PCDHGB3: variants seen among roughly 807,000 people sequenced by gnomAD.
PCDHGB3 encodes protocadherin gamma-B3.
A neutral mutation model predicts 59.2 loss-of-function variants in PCDHGB3; 40 were observed. The observed-to-expected ratio is 0.68, with a 90% CI of 0.52 to 0.88. PCDHGB3 has a LOEUF of 0.88. Among genes scored for constraint, PCDHGB3 ranks in the 40% least tolerant of loss-of-function variants. PCDHGB3 has a pLI of 0.00. For synonymous variants in PCDHGB3, 581 were observed against 503.6 expected, an observed-to-expected ratio of 1.15 and a Z score of -2.06; for missense variants, 1,309 against 1,187.9, an observed-to-expected ratio of 1.10 and a Z score of -1.50.
intron 3 of PCDHGB3, among the ~76,000 whole-genome samples, chr5:141,510,329 A>T (rs1433056614): frequency 2.7e-5 from 4 of 150,230 alleles, no homozygotes; most frequent in Admixed American, 2.7e-4. Flanking sequence ...AGCACTCTTC[A>T]CCCCCACCCC....
At chr5:141,404,811 G>A (rs2094571358) in intron 1 of PCDHGB3, 1 of 1,606,238 alleles carries the variant, frequency 6.2e-7, no homozygotes, top group African/African-American at 1.4e-5. Flanking sequence ...TTCTCGGTGG[G>A]GCTGCACACA....
Position 141,371,058 on chromosome 5 carries a change from A to C in PCDHGB3, c.664A>C (p.Arg222=). Reference sequence around the variant, plus strand: ...AGCTGTGGATGGGGGCGAGCCCTCCAGAAGCTGTACCACCCAGATCAGGGT... The same window carrying C: ...AGCTGTGGATGGGGGCGAGCCCTCCCGAAGCTGTACCACCCAGATCAGGGT... The part of the protein sequence containing the change: ...LTAVDGGEPS[R]SCTTQIRVIV... Residue 222 remains arginine, a synonymous_variant, in exon 1 of 4, where the codon AGA becomes CGA. Coordinates refer to ENST00000576222, the MANE Select transcript of PCDHGB3 (RefSeq NM_018924.5). The C allele has an allele frequency of 5.6e-6, 9 of 1,613,990 alleles. No homozygotes were observed. Among genetic ancestry groups the C allele is most frequent in the Non-Finnish European group, 7.6e-6 (9 of 1,179,882 alleles).
intron 1 of PCDHGB3, chr5:141,376,577 C>T (rs1231719593): frequency 6.3e-6 from 10 of 1,592,924 alleles, no homozygotes; most frequent in Admixed American, 1.7e-5. Flanking sequence ...CAGACAGGCT[C>T]ATCAGCTAGA....
intron 1 of PCDHGB3, chr5:141,392,672 T>C (rs1375291090): frequency 4.5e-6 from 4 of 880,364 alleles, no homozygotes; most frequent in Non-Finnish European, 6.7e-6. Flanking sequence ...AACTAACTGC[T>C]GGACTGCAGC....
rs201775561 is a variant in PCDHGB3 at position 141,372,273 on chromosome 5, C to T, written c.1879C>T (p.Arg627Cys). 3.7e-6 allele frequency: 6 copies of T among 1,613,106 alleles called. No individual in the cohort carries two copies. Among genetic ancestry groups the T allele is most frequent in the East Asian group, 4.5e-5 (2 of 44,878 alleles). The change falls in exon 1 of 4, where the codon CGC becomes TGC. Residue 627 changes from arginine (R) to cysteine (C), a missense_variant. By Grantham distance (180) the Arg-to-Cys change is radical. Transcript: ENST00000576222. ...FSLGLRTGEV[R>C]TARTLGDREA... Reference sequence around the variant, plus strand: ...CCTGGGCCTGCGCACGGGTGAGGTGCGCACGGCGCGTACCTTGGGCGACAG... The same window carrying T: ...CCTGGGCCTGCGCACGGGTGAGGTGTGCACGGCGCGTACCTTGGGCGACAG...
chr5:141,486,405 G>A lies in PCDHGB3; in HGVS notation c.2416-8402G>A. 6.2e-7 allele frequency: 1 copy of A among 1,614,114 alleles called. No homozygotes were observed. The highest frequency in any genetic ancestry group is 2.2e-5 in the East Asian group (1 of 44,862). On this transcript the variant is annotated intron_variant, in intron 1 of 3. Transcript: ENST00000576222. The surrounding 1 kb of genome is among the most constrained non-coding windows in gnomAD (Gnocchi z 5.0). ...AACCAGTTCTCCCTGGTGACTGCTG[G>A]ACCCTTGGATCGAGAGGCCAAATCT...
chr5:141,509,350 G>C (rs2099876432), intron 3 of PCDHGB3, among the ~76,000 whole-genome samples: 5 of 152,142 alleles, frequency 3.3e-5, no homozygotes. Flanking sequence ...GGGCTGGCCT[G>C]GGCATCCCTG....
At chr5:141,409,596 A>G in intron 1 of PCDHGB3, 1 of 1,613,714 alleles carries the variant, frequency 6.2e-7, no homozygotes, top group Non-Finnish European at 8.5e-7. Flanking sequence ...GCCGAGAACA[A>G]CCCGCCAGGA....
chr5:141,483,589 G>A (rs189449393), intron 1 of PCDHGB3, among the ~76,000 whole-genome samples: 17 of 152,214 alleles, frequency 1.1e-4, no homozygotes, highest in Admixed American at 1.1e-3. Context: ...ACACCTAATA[G>A]GTCAGGCTGG....
chr5:141,421,328 A>G (rs1355932974), intron 1 of PCDHGB3: 1 of 1,613,902 alleles, frequency 6.2e-7, no homozygotes. Flanking sequence ...CAGATCCGAT[A>G]TTCGGTGCCA....
Position 141,415,580 on chromosome 5 carries a change from A to C in PCDHGB3, c.2415+42771A>C, listed in dbSNP as rs773634634. The C allele has an allele frequency of 4.3e-6, 7 of 1,613,976 alleles. No individual in the cohort carries two copies. The Admixed American group carries it at 1.2e-4, about 27-fold the overall frequency. Reference sequence around the variant, plus strand: ...CCTTTGTCTTTGTTAGATGATTCGAAGTTTCCTATAGAGGATACCCCATTG... The same window carrying C: ...CCTTTGTCTTTGTTAGATGATTCGACGTTTCCTATAGAGGATACCCCATTG... On this transcript the variant is annotated intron_variant, in intron 1 of 3. Transcript: ENST00000576222.
intron 1 of PCDHGB3, chr5:141,423,206 C>A: frequency 6.2e-7 from 1 of 1,613,668 alleles, no homozygotes. Context: ...GCCACCGTCA[C>A]GCTCACCGTG....
chr5:141,509,830 T>A (rs1328716142), intron 3 of PCDHGB3, among the ~76,000 whole-genome samples: 1 of 152,204 alleles, frequency 6.6e-6, no homozygotes, highest in African/African-American at 2.4e-5. Flanking sequence ...ATCTTCTCTC[T>A]ACCTCCCATT....
chr5:141,372,809 G>T lies in PCDHGB3; in HGVS notation c.2415G>T (p.Lys805Asn). 1.9e-6 allele frequency: 3 copies of T among 1,587,730 alleles called. No homozygotes were observed. Among genetic ancestry groups the T allele is most frequent in the Non-Finnish European group, 2.6e-6 (3 of 1,166,086 alleles). Residue 805 changes from lysine (K) to asparagine (N), a missense_variant and splice_region_variant, in exon 1 of 4, where the codon AAG (lysine) becomes AAT (asparagine). Lys to Asn is a moderately conservative substitution (Grantham distance 94). Transcript: ENST00000576222. Reference protein sequence around the residue: ...EMPSNSGNLQKQAPPNTDWRF... With the variant: ...EMPSNSGNLQNQAPPNTDWRF... ...CTTCTAATTCAGGCAATTTGCAAAA[G>T]GTGAGTTTCTTCAAACCTTTCCTTC...
intron 1 of PCDHGB3, chr5:141,433,015 C>T (rs2154555449): frequency 2.5e-6 from 4 of 1,614,172 alleles, no homozygotes; most frequent in South Asian, 2.2e-5. Flanking sequence ...TCCTGCAGAC[C>T]TATTCCCACG....
At chr5:141,482,768 CTGA>C (rs2099572195) in intron 1 of PCDHGB3, among the ~76,000 whole-genome samples, 1 of 126,868 alleles carries the variant, frequency 7.9e-6, no homozygotes, top group Admixed American at 7.7e-5. Flanking sequence ...TTCATTATCA[CTGA>C]ACCTTAAACT....
chr5:141,435,260 T>C (rs1591368331), intron 1 of PCDHGB3, among the ~76,000 whole-genome samples: 1 of 152,236 alleles, frequency 6.6e-6, no homozygotes, highest in African/African-American at 2.4e-5. Context: ...TAGGGATATG[T>C]CCATTTATAC....
At chr5:141,502,739 A>C (rs1287180048) in intron 2 of PCDHGB3, among the ~76,000 whole-genome samples, 1 of 152,070 alleles carries the variant, frequency 6.6e-6, no homozygotes, top group Non-Finnish European at 1.5e-5. Flanking sequence ...ATGTTCTGTC[A>C]TTCCTTCTAC....
At chr5:141,409,436 C>G (rs368696166) in intron 1 of PCDHGB3, 2 of 1,613,982 alleles carry the variant, frequency 1.2e-6, no homozygotes, top group Non-Finnish European at 1.7e-6. Flanking sequence ...AGCCCTGGAC[C>G]GAGAGCAGAC....
Sources: gnomAD v4.1 joint callset for allele counts (sites outside exome capture counted in the v4.1 genomes callset) on GRCh38, gnomAD v4.1.1 for gene constraint, Gnocchi (gnomAD v3.1) non-coding constraint, MANE v1.5 for transcripts, NCBI Gene and HGNC (gene_info 2026-07-23, HGNC 2026-07-21) for gene names.